The following SH3RF3 variants were observed in gnomAD, a reference collection of about 807,000 sequenced individuals.
SH3RF3 encodes the protein E3 ubiquitin-protein ligase SH3RF3.
Under a neutral mutation model 66.3 loss-of-function variants are expected in SH3RF3, and 29 were observed. The observed-to-expected ratio is 0.44, with a 90% confidence interval of 0.33 to 0.60. SH3RF3 has a LOEUF of 0.60. SH3RF3 is among the 20% of genes least tolerant of loss of function. The pLI is 0.04. For missense variants in SH3RF3, 1,194 were observed against 1,190.9 expected, an observed-to-expected ratio of 1.00 and a Z score of -0.04; for synonymous variants, 583 against 532.0, an observed-to-expected ratio of 1.10 and a Z score of -1.32.
At chr2:109,283,844 G>A (rs1470054668) in intron 1 of SH3RF3, among the ~76,000 whole-genome samples, 3 of 152,218 alleles carry the variant, frequency 2.0e-5, no homozygotes, top group Non-Finnish European at 4.4e-5. Flanking sequence ...TCTTGCTGCT[G>A]AGCCACTGGG....
chr2:109,464,843 T>C (rs1367995709), intron 8 of SH3RF3, among the ~76,000 whole-genome samples: 1 of 152,248 alleles, frequency 6.6e-6, no homozygotes, highest in Non-Finnish European at 1.5e-5. Flanking sequence ...ATAGTTTACG[T>C]TAGGATTTAC....
chr2:109,438,073 T>G (rs1462860189), intron 7 of SH3RF3, among the ~76,000 whole-genome samples: 1 of 152,230 alleles, frequency 6.6e-6, no homozygotes, highest in Non-Finnish European at 1.5e-5. Context: ...AAATATACTA[T>G]TTCTTAGACT....
At chr2:109,208,107 A>T (rs1351521575) in intron 1 of SH3RF3, among the ~76,000 whole-genome samples, 7 of 152,268 alleles carry the variant, frequency 4.6e-5, no homozygotes, top group Admixed American at 4.6e-4. Context: ...GCCCTCAGAC[A>T]CACATGCTGC....
rs73953119 is a variant in SH3RF3, at chr2:109,453,619, C to T, written c.2148+4130C>T. Among the ~76,000 whole-genome samples, 1,003 of 152,320 alleles carry T rather than the reference C, an allele frequency of 6.6e-3. 13 individuals are homozygous for T. Among genetic ancestry groups the T allele is most frequent in the African/African-American group, 0.023 (947 of 41,562 alleles). ...CTTACTTGTGCCCCAATCCCTGACT[C>T]ATCTGTGTATTGCAAAGAGCATGAG... On this transcript the variant is annotated intron_variant, in intron 8 of 9. Coordinates refer to ENST00000309415, the MANE Select transcript of SH3RF3 (RefSeq NM_001099289.3).
At chr2:109,259,811 GTC>G (rs376513142) in intron 1 of SH3RF3, among the ~76,000 whole-genome samples, 2 of 152,276 alleles carry the variant, frequency 1.3e-5, no homozygotes, top group African/African-American at 4.8e-5. Context: ...TCTCTGGGAG[GTC>G]TCTGTTTGTC....
In SH3RF3 at chr2:109,312,183, A is replaced by T. The variant is rs139902880; in HGVS notation, c.574-35491A>T. Reference sequence around the variant, plus strand: ...ACTCCAAATCTTACAAAGTCTAATGAAAATCTTACACAATCTTACACAGTT... The same window carrying T: ...ACTCCAAATCTTACAAAGTCTAATGTAAATCTTACACAATCTTACACAGTT... On this transcript the variant is annotated intron_variant, in intron 1 of 9. Transcript: ENST00000309415. Among the ~76,000 whole-genome samples, 135 of 152,332 alleles carry T rather than the reference A, an allele frequency of 8.9e-4. 1 individual carries two copies. The highest frequency in any genetic ancestry group is 2.8e-3 in the African/African-American group (116 of 41,570).
At chr2:109,395,023 G>A (rs1022612526) in intron 3 of SH3RF3, among the ~76,000 whole-genome samples, 1 of 152,248 alleles carries the variant, frequency 6.6e-6, no homozygotes, top group Non-Finnish European at 1.5e-5. Flanking sequence ...TGGCACCGGT[G>A]CCAAATTCAG....
chr2:109,224,543 GTGGCT>G (rs1366134902), intron 1 of SH3RF3, among the ~76,000 whole-genome samples: 1 of 152,196 alleles, frequency 6.6e-6, no homozygotes, highest in African/African-American at 2.4e-5. Flanking sequence ...TGTGGCCGGC[GTGGCT>G]CAGGAAGTGG....
At chr2:109,492,490 C>G (rs1392924396) in intron 9 of SH3RF3, among the ~76,000 whole-genome samples, 1 of 152,178 alleles carries the variant, frequency 6.6e-6, no homozygotes, top group Non-Finnish European at 1.5e-5. Flanking sequence ...TCAGAACACT[C>G]AGCAGTGGGC....
intron 3 of SH3RF3, among the ~76,000 whole-genome samples, chr2:109,397,727 TGCCCCTCCCA>T (rs1676188204): frequency 1.3e-5 from 2 of 152,186 alleles, no homozygotes; most frequent in Admixed American, 6.5e-5. Flanking sequence ...GTGCCTGGGC[TGCCCCTCCCA>T]GCCCCTCCAG....
At chr2:109,485,199 G>A (rs1293508771) in intron 8 of SH3RF3, among the ~76,000 whole-genome samples, 1 of 152,028 alleles carries the variant, frequency 6.6e-6, no homozygotes, top group Non-Finnish European at 1.5e-5. Flanking sequence ...TATTGCCTGA[G>A]GCAAAGAGAA....
At chr2:109,199,919 A>G (rs1243695945) in intron 1 of SH3RF3, among the ~76,000 whole-genome samples, 1 of 85,874 alleles carries the variant, frequency 1.2e-5, no homozygotes, top group African/African-American at 4.7e-5. Flanking sequence ...CCTTCAGTCT[A>G]TAGCACCCGC....
At chr2:109,449,102 C>A in intron 7 of SH3RF3, 68 bp from the exon 8 acceptor site, 1 of 1,516,964 alleles carries the variant, frequency 6.6e-7, no homozygotes. Flanking sequence ...TGCATTGCAG[C>A]TGCCTGGCAG....
At position 109,341,418 on chromosome 2, in the gene SH3RF3, C is replaced by G. The variant is rs146457828; in HGVS notation, c.574-6256C>G. Reference sequence around the variant, plus strand: ...TCTGAGAGTCTCTGAGTTGAAAGTGCTTTTCAAAGATGACAGCACATAAAT... The same window carrying G: ...TCTGAGAGTCTCTGAGTTGAAAGTGGTTTTCAAAGATGACAGCACATAAAT... On this transcript the variant is annotated intron_variant, in intron 1 of 9. Transcript: ENST00000309415. 2.3e-3 allele frequency among the ~76,000 whole-genome samples: 352 copies of G among 152,278 alleles called. 4 individuals are homozygous for G. The highest frequency in any genetic ancestry group is 0.02 in the Middle Eastern group (6 of 294).
chr2:109,226,363 G>A (rs868162232), intron 1 of SH3RF3, among the ~76,000 whole-genome samples: 1 of 152,264 alleles, frequency 6.6e-6, no homozygotes, highest in South Asian at 2.1e-4. Flanking sequence ...ACTCAGGAAG[G>A]TCAGCTGTTT....
intron 1 of SH3RF3, among the ~76,000 whole-genome samples, chr2:109,332,972 C>G (rs1682322316): frequency 6.6e-6 from 1 of 152,324 alleles, no homozygotes; most frequent in African/African-American, 2.4e-5. Context: ...CCAACATCAG[C>G]AGGATGCAGA....
At chr2:109,195,146 A>G (rs753183106) in intron 1 of SH3RF3, among the ~76,000 whole-genome samples, 14 of 152,342 alleles carry the variant, frequency 9.2e-5, no homozygotes, top group Non-Finnish European at 1.5e-4. Flanking sequence ...CTAATAGGAA[A>G]AAAAGGACAA....
intron 4 of SH3RF3, among the ~76,000 whole-genome samples, chr2:109,412,712 A>G (rs1172400586): frequency 6.6e-6 from 1 of 152,244 alleles, no homozygotes; most frequent in Admixed American, 6.5e-5. Flanking sequence ...TTCTCATACC[A>G]CTGTGGAAAT....
chr2:109,503,793 C>G lies in SH3RF3; in HGVS notation c.*2122C>G, dbSNP rs905052414. ...GAATAGAGTAACCTGAACGTTCTTACTCTCCCAGGCATGGCCCACGTGGTG... is the reference window on the plus strand; with the variant it reads ...GAATAGAGTAACCTGAACGTTCTTAGTCTCCCAGGCATGGCCCACGTGGTG... On this transcript the variant is annotated 3_prime_UTR_variant, in exon 10 of 10. Transcript: ENST00000309415. 2.0e-5 allele frequency: 3 copies of G among 152,206 alleles called. No homozygotes were observed. The highest frequency in any genetic ancestry group is 7.2e-5 in the African/African-American group (3 of 41,436). 9.4% of individuals were successfully genotyped at this position (152,206 alleles called of 1,614,324 possible). A position where few individuals can be genotyped will look rare whatever the true frequency, so the allele number is the denominator to read the frequency against.
Sources: gnomAD v4.1 joint callset for allele counts (sites outside exome capture counted in the v4.1 genomes callset) on GRCh38, gnomAD v4.1.1 for gene constraint, MANE v1.5 for transcripts, NCBI Gene and HGNC (gene_info 2026-07-23, HGNC 2026-07-21) for gene names.